KAZN: variants seen among roughly 807,000 people sequenced by gnomAD.
KAZN encodes the protein kazrin, periplakin interacting protein, also known as kazrin.
KAZN carries 40 observed loss-of-function variants against 87.4 expected under a neutral mutation model. The observed-to-expected ratio is 0.46, with a 90% CI of 0.36 to 0.60. The LOEUF (loss-of-function observed/expected upper bound fraction) is 0.60, where lower values mean the gene tolerates loss of function less well. Ranked by LOEUF, KAZN falls within the 20% of genes least tolerant of loss-of-function variation. The pLI, the probability that KAZN is intolerant of heterozygous loss-of-function variation, is 0.00. For synonymous variants in KAZN, 466 were observed against 458.3 expected (o/e 1.02, Z -0.22); for missense variants, 898 against 1,073.9 (o/e 0.84, Z 2.29).
At chr1:14,361,743 G>A (rs1297202125) in intron 2 of KAZN, among the ~76,000 whole-genome samples, 4 of 152,218 alleles carry the variant, frequency 2.6e-5, no homozygotes, top group Admixed American at 6.5e-5. Context: ...CCAATAAGAT[G>A]AGCCAGGTAC....
intron 1 of KAZN, among the ~76,000 whole-genome samples, chr1:14,709,386 A>G (rs1482537088): frequency 1.3e-5 from 2 of 152,200 alleles, no homozygotes; most frequent in Non-Finnish European, 2.9e-5. Context: ...TGAAGCCTCC[A>G]CAAATGTTGA....
intron 2 of KAZN, among the ~76,000 whole-genome samples, chr1:14,343,469 G>A (rs1463560335): frequency 6.6e-6 from 1 of 152,260 alleles, no homozygotes; most frequent in East Asian, 1.9e-4. Flanking sequence ...GTCAGCCAAC[G>A]CAGATGTAGG....
At chr1:15,063,321 TG>T in intron 6 of KAZN, 1 of 539,078 alleles carries the variant, frequency 1.9e-6, no homozygotes, top group Non-Finnish European at 3.3e-6. Context: ...GGTCAGAAGA[TG>T]CTGGGGGTTG....
chr1:14,544,352 T>TTC (rs200633192), intron 2 of KAZN, among the ~76,000 whole-genome samples: 2,146 of 90,992 alleles, frequency 0.024, 18 homozygotes, highest in Non-Finnish European at 0.038. Flanking sequence ...CTTTCTTTCT[T>TTC]TTTTTTTTTT....
At chr1:14,369,009 T>C (rs1343458630) in intron 2 of KAZN, among the ~76,000 whole-genome samples, 3 of 152,156 alleles carry the variant, frequency 2.0e-5, no homozygotes, top group South Asian at 2.1e-4. Flanking sequence ...CAGTGGCTAA[T>C]AGGGAGCGCT....
In KAZN at chr1:14,599,744, A is replaced by G. The variant is rs1676801969; in HGVS notation, c.226+521A>G. Reference sequence around the variant, plus strand: ...TGCATCTGGACTTTATTTTCTTCTCATTTGAGGTCTCTCAGGCATTGGAAT... The same window carrying G: ...TGCATCTGGACTTTATTTTCTTCTCGTTTGAGGTCTCTCAGGCATTGGAAT... On this transcript the variant is annotated intron_variant, in intron 1 of 14. Transcript: ENST00000376030. The surrounding 1 kb of genome is among the most constrained non-coding windows in gnomAD (Gnocchi z 4.4). Among the ~76,000 whole-genome samples the G allele has an allele frequency of 6.6e-6, 1 of 152,048 alleles. No homozygotes were observed. Among genetic ancestry groups the G allele is most frequent in the Non-Finnish European group, 1.5e-5 (1 of 68,008 alleles).
At chr1:14,857,754 T>C (rs1406683923) in intron 1 of KAZN, among the ~76,000 whole-genome samples, 1 of 152,232 alleles carries the variant, frequency 6.6e-6, no homozygotes, top group East Asian at 1.9e-4. Context: ...ATTCAGAGTC[T>C]AGCCCACCCT....
At chr1:14,439,336 C>T (rs1001110923) in intron 2 of KAZN, among the ~76,000 whole-genome samples, 10 of 151,494 alleles carry the variant, frequency 6.6e-5, no homozygotes, top group South Asian at 2.1e-4. Flanking sequence ...TCACCACCTC[C>T]TCTGCTGCCC....
intron 1 of KAZN, among the ~76,000 whole-genome samples, chr1:14,939,549 C>T (rs745341427): frequency 6.6e-6 from 1 of 152,220 alleles, no homozygotes; most frequent in Non-Finnish European, 1.5e-5. Flanking sequence ...GCTGGGATTA[C>T]AGGTGTGAGC....
intron 1 of KAZN, among the ~76,000 whole-genome samples, chr1:13,995,219 C>CAAAAAAAAAAAAAAAAAAAAAAAAAAA (rs113600200): frequency 1.9e-5 from 2 of 107,386 alleles, no homozygotes; most frequent in Non-Finnish European, 4.0e-5. Flanking sequence ...TGCAATAAGG[C>CAAAAAAAAAAAAAAAAAAAAAAAAAAA]AAAAAAAAAA....
intron 2 of KAZN, among the ~76,000 whole-genome samples, chr1:14,997,303 C>T (rs1667995373): frequency 6.6e-6 from 1 of 151,560 alleles, no homozygotes; most frequent in Admixed American, 6.6e-5. Context: ...TGCAATGGCG[C>T]GATCTCAGCT....
intron 2 of KAZN, among the ~76,000 whole-genome samples, chr1:14,552,367 C>T (rs1156734494): frequency 6.6e-6 from 1 of 152,194 alleles, no homozygotes; most frequent in Non-Finnish European, 1.5e-5. Flanking sequence ...CTGGGAGCCG[C>T]CTGCAGGGAG....
intron 1 of KAZN, among the ~76,000 whole-genome samples, chr1:13,932,845 C>T (rs2100940564): frequency 6.6e-6 from 1 of 152,246 alleles, no homozygotes; most frequent in South Asian, 2.1e-4. Flanking sequence ...CTGACAGGCT[C>T]ACTTAATAAT....
chr1:14,646,702 C>T (rs11589844), intron 1 of KAZN, among the ~76,000 whole-genome samples: 26,619 of 152,144 alleles, frequency 0.17, 2,513 homozygotes, highest in South Asian at 0.26. Flanking sequence ...AAAATGTCTC[C>T]AGACATGGCT....
intron 1 of KAZN, among the ~76,000 whole-genome samples, chr1:14,794,878 C>T (rs527610019): frequency 4.6e-4 from 70 of 152,296 alleles, no homozygotes; most frequent in African/African-American, 1.6e-3. Flanking sequence ...GCTGCCAGCA[C>T]GGCTAGGATA....
intron 1 of KAZN, among the ~76,000 whole-genome samples, chr1:14,620,942 G>A (rs899832796): frequency 1.3e-5 from 2 of 152,182 alleles, no homozygotes; most frequent in African/African-American, 4.8e-5. Flanking sequence ...CATTTGTTGG[G>A]ATAGATGGTC....
intron 1 of KAZN, among the ~76,000 whole-genome samples, chr1:14,694,839 T>C (rs1462776766): frequency 6.6e-6 from 1 of 152,158 alleles, no homozygotes; most frequent in African/African-American, 2.4e-5. Flanking sequence ...CATTCGGTAA[T>C]TGTTGGGTTT....
chr1:14,194,011 T>A (rs541038732), intron 2 of KAZN, among the ~76,000 whole-genome samples: 1 of 152,156 alleles, frequency 6.6e-6, no homozygotes, highest in Non-Finnish European at 1.5e-5. Flanking sequence ...ACCTGGCTTA[T>A]GGCTTTCTTT....
intron 1 of KAZN, among the ~76,000 whole-genome samples, chr1:14,069,737 G>T (rs1043552228): frequency 6.6e-6 from 1 of 152,164 alleles, no homozygotes; most frequent in Non-Finnish European, 1.5e-5. Context: ...CTATTTTGGA[G>T]GAAGGGAGGG....
Sources: gnomAD v4.1 joint callset for allele counts (sites outside exome capture counted in the v4.1 genomes callset) on GRCh38, gnomAD v4.1.1 for gene constraint, Gnocchi (gnomAD v3.1) non-coding constraint, MANE v1.5 for transcripts, NCBI Gene and HGNC (gene_info 2026-07-23, HGNC 2026-07-21) for gene names.